LIX1: variants seen among roughly 807,000 people sequenced by gnomAD.
LIX1 encodes the protein limb and CNS expressed 1.
In LIX1, 24 loss-of-function variants were observed where a neutral mutation model predicts 33.4. The ratio of observed to expected loss-of-function variants is 0.72; its 90% CI spans 0.52 to 1.01. The LOEUF is 1.01. Among genes scored for constraint, LIX1 ranks in the 50% least tolerant of loss-of-function variants. The pLI is 0.00. For synonymous variants in LIX1, 124 were observed against 124.0 expected (o/e 1.00, Z 0.00); for missense variants, 311 against 339.2 (o/e 0.92, Z 0.65).
At chr5:97,109,145 C>T (rs1212587385) in intron 2 of LIX1, among the ~76,000 whole-genome samples, 1 of 152,156 alleles carries the variant, frequency 6.6e-6, no homozygotes, top group Non-Finnish European at 1.5e-5. Flanking sequence ...CTGTGATTTT[C>T]CCTCAAACCT....
chr5:97,103,958 C>G (rs1031850741), intron 4 of LIX1, among the ~76,000 whole-genome samples: 7 of 141,048 alleles, frequency 5.0e-5, no homozygotes, highest in Non-Finnish European at 9.0e-5. Flanking sequence ...GAGCTAGACT[C>G]CGTCTCAAAA....
rs775667196 is a variant in LIX1 at position 97,094,903 on chromosome 5, A to T, written c.694T>A (p.Leu232Met). The T allele has an allele frequency of 1.2e-6, 2 of 1,614,150 alleles. No homozygotes were observed. The highest frequency in any genetic ancestry group is 2.2e-5 in the South Asian group (2 of 91,084). Residue 232 changes from leucine (L) to methionine (M), a missense_variant, in exon 6 of 6, where the codon TTG becomes ATG. Transcript: ENST00000274382. ...SQELRMALRQ[L>M]EEARKAGQEL... ...TGTCCTGCTTTCCTGGCTTCCTCCAACTGCCTCAGGGCCATTCGTAGCTCT... is the reference window on the plus strand; with the variant it reads ...TGTCCTGCTTTCCTGGCTTCCTCCATCTGCCTCAGGGCCATTCGTAGCTCT...
chr5:97,120,297 T>C (rs1416524197), intron 2 of LIX1, among the ~76,000 whole-genome samples: 1 of 152,238 alleles, frequency 6.6e-6, no homozygotes, highest in Non-Finnish European at 1.5e-5. Flanking sequence ...TATTCATTCA[T>C]TTGGCTATTC....
intron 3 of LIX1, among the ~76,000 whole-genome samples, chr5:97,106,218 C>G (rs1376468929): frequency 6.6e-6 from 1 of 152,188 alleles, no homozygotes; most frequent in East Asian, 1.9e-4. Context: ...TTATATAAAT[C>G]AGGCATAATT....
chr5:97,124,885 G>T (rs937711741), intron 1 of LIX1, among the ~76,000 whole-genome samples: 1 of 152,054 alleles, frequency 6.6e-6, no homozygotes, highest in South Asian at 2.1e-4. Flanking sequence ...AATGAGTAAG[G>T]CTCAAGAAGT....
At chr5:97,118,803 T>C (rs1747701130) in intron 2 of LIX1, among the ~76,000 whole-genome samples, 1 of 152,172 alleles carries the variant, frequency 6.6e-6, no homozygotes, top group South Asian at 2.1e-4. Flanking sequence ...GAAGGCCTGG[T>C]CTAAAGGCAG....
intron 2 of LIX1, among the ~76,000 whole-genome samples, chr5:97,115,961 G>A (rs911840451): frequency 6.6e-6 from 1 of 152,182 alleles, no homozygotes; most frequent in African/African-American, 2.4e-5. Context: ...AATTGACTCT[G>A]TGAGAAGTGA....
intron 2 of LIX1, among the ~76,000 whole-genome samples, chr5:97,122,017 C>A (rs142379446): frequency 6.6e-6 from 1 of 152,170 alleles, no homozygotes; most frequent in Non-Finnish European, 1.5e-5. Context: ...CCTTTCTTTC[C>A]CCTTCGCTGC....
chr5:97,123,584 G>T (rs923539124), intron 2 of LIX1, among the ~76,000 whole-genome samples: 1 of 152,146 alleles, frequency 6.6e-6, no homozygotes, highest in Admixed American at 6.5e-5. Context: ...TAAATCCAAA[G>T]CATCTTCATG....
At chr5:97,103,825 C>T (rs947929883) in intron 4 of LIX1, among the ~76,000 whole-genome samples, 2 of 151,888 alleles carry the variant, frequency 1.3e-5, no homozygotes, top group Non-Finnish European at 2.9e-5. Context: ...ATTAGCCGGG[C>T]ATGGTGGTGG....
chr5:97,121,790 A>G (rs1250506199), intron 2 of LIX1, among the ~76,000 whole-genome samples: 2 of 152,178 alleles, frequency 1.3e-5, no homozygotes, highest in Non-Finnish European at 2.9e-5. Flanking sequence ...AAGTTCATTG[A>G]CATAGATGGA....
intron 2 of LIX1, among the ~76,000 whole-genome samples, chr5:97,108,298 G>A (rs1419579380): frequency 6.6e-6 from 1 of 152,174 alleles, no homozygotes; most frequent in Non-Finnish European, 1.5e-5. Flanking sequence ...GGGACATACT[G>A]CATTCAAACC....
In LIX1 at chr5:97,105,235, G is replaced by A. The variant is rs372586576; in HGVS notation, c.438C>T (p.His146=). The A allele has an allele frequency of 1.9e-6, 3 of 1,614,136 alleles. No individual in the cohort carries two copies. Among genetic ancestry groups the A allele is most frequent in the Non-Finnish European group, 2.5e-6 (3 of 1,179,994 alleles). ...TCCCCATGTTTGACTCCAGCATGTAGTGATAGGCCCCAACACTGGTGCTGG... is the reference window on the plus strand; with the variant it reads ...TCCCCATGTTTGACTCCAGCATGTAATGATAGGCCCCAACACTGGTGCTGG... ...DDPSTSVGAY[H]YMLESNMGKT... is the part of the protein sequence containing the mutation. The change falls in exon 4 of 6, where the codon CAC becomes CAT. Residue 146 remains histidine (H), a synonymous_variant. Transcript: ENST00000274382.
chr5:97,130,898 T>A (rs1748042103), intron 1 of LIX1, among the ~76,000 whole-genome samples: 2 of 152,220 alleles, frequency 1.3e-5, no homozygotes. Flanking sequence ...TACAGGAGTT[T>A]TAAATATTTT....
At chr5:97,097,777 C>G (rs1746467552) in intron 4 of LIX1, among the ~76,000 whole-genome samples, 1 of 152,184 alleles carries the variant, frequency 6.6e-6, no homozygotes, top group Non-Finnish European at 1.5e-5. Flanking sequence ...AAAATGGAGT[C>G]ACTCATGCTG....
chr5:97,111,518 AAAC>A (rs1747396087), intron 2 of LIX1, among the ~76,000 whole-genome samples: 1 of 152,196 alleles, frequency 6.6e-6, no homozygotes, highest in Non-Finnish European at 1.5e-5. Context: ...ATTAAAAAGC[AAAC>A]AACGTTTTTG....
At chr5:97,142,429 G>A (rs2112804880) in intron 1 of LIX1, 66 bp downstream of exon 1, 4 of 1,060,746 alleles carry the variant, frequency 3.8e-6, no homozygotes, top group Non-Finnish European at 5.9e-6. Context: ...ACTTAAATAG[G>A]ATGTGACTTG....
intron 1 of LIX1, among the ~76,000 whole-genome samples, chr5:97,138,696 C>G (rs1748220436): frequency 6.6e-6 from 1 of 152,146 alleles, no homozygotes; most frequent in Non-Finnish European, 1.5e-5. Context: ...TTTCTTGTCA[C>G]ACTTCTGTTC....
At chr5:97,109,720 T>G (rs1747271480) in intron 2 of LIX1, among the ~76,000 whole-genome samples, 1 of 152,130 alleles carries the variant, frequency 6.6e-6, no homozygotes, top group Non-Finnish European at 1.5e-5. Flanking sequence ...ATCCAATATG[T>G]AGTCTTTTAT....
Sources: allele counts gnomAD v4.1 joint callset (sites outside exome capture counted in the v4.1 genomes callset), GRCh38; gene constraint gnomAD v4.1.1; transcripts MANE v1.5; gene names NCBI Gene and HGNC (gene_info 2026-07-23, HGNC 2026-07-21).